The following PTPRD variants were observed in gnomAD, a reference collection of about 807,000 sequenced individuals.
PTPRD encodes receptor-type tyrosine-protein phosphatase delta.
Under a neutral mutation model 214.5 loss-of-function variants are expected in PTPRD, and 34 were observed. That is an observed-to-expected ratio of 0.16 (90% CI 0.12 to 0.21). The LOEUF is 0.21. PTPRD is among the 10% of genes least tolerant of loss of function. PTPRD has a pLI of 1.00. For missense variants in PTPRD, 2,545 were observed against 2,398.7 expected, an observed-to-expected ratio of 1.06 and a Z score of -1.27; for synonymous variants, 1,128 against 845.7, an observed-to-expected ratio of 1.33 and a Z score of -5.79.
At chr9:9,366,876 T>C (rs1339674391) in intron 9 of PTPRD, among the ~76,000 whole-genome samples, 1 of 151,400 alleles carries the variant, frequency 6.6e-6, no homozygotes, top group Non-Finnish European at 1.5e-5. Context: ...GGTAAAGAGA[T>C]ACTGACTTTT....
At chr9:10,278,748 T>C (rs924499007) in intron 3 of PTPRD, among the ~76,000 whole-genome samples, 1 of 151,680 alleles carries the variant, frequency 6.6e-6, no homozygotes, top group Admixed American at 6.6e-5. Context: ...CTTATCTTCA[T>C]GTGTGGTAAA....
At chr9:9,913,665 TA>T in intron 5 of PTPRD, among the ~76,000 whole-genome samples, 1 of 152,176 alleles carries the variant, frequency 6.6e-6, no homozygotes, top group Non-Finnish European at 1.5e-5. Flanking sequence ...CAGGAAAAGG[TA>T]AGCAGAAGAA....
intron 2 of PTPRD, among the ~76,000 whole-genome samples, chr9:10,409,622 T>C (rs550890966): frequency 5.3e-5 from 8 of 151,832 alleles, no homozygotes; most frequent in Non-Finnish European, 1.0e-4. Flanking sequence ...TGCATATACA[T>C]TGTGGTTTTA....
At chr9:8,743,768 T>C (rs192103337) in intron 11 of PTPRD, among the ~76,000 whole-genome samples, 1 of 148,880 alleles carries the variant, frequency 6.7e-6, no homozygotes, top group East Asian at 2.0e-4. Flanking sequence ...TTAATTCAAC[T>C]AAAAAAGCTT....
chr9:9,400,192 T>C (rs1337397300), intron 8 of PTPRD, among the ~76,000 whole-genome samples: 1 of 151,564 alleles, frequency 6.6e-6, no homozygotes, highest in African/African-American at 2.4e-5. Context: ...CACAATATGT[T>C]ACCTTCCGTG....
At chr9:8,467,303 C>A (rs2096563615) in intron 31 of PTPRD, among the ~76,000 whole-genome samples, 1 of 151,824 alleles carries the variant, frequency 6.6e-6, no homozygotes, top group Non-Finnish European at 1.5e-5. Context: ...AGTAAAAACA[C>A]AAGGCCAGAA....
chr9:9,763,090 T>G (rs1209598839), intron 6 of PTPRD, among the ~76,000 whole-genome samples: 1 of 152,190 alleles, frequency 6.6e-6, no homozygotes, highest in Non-Finnish European at 1.5e-5. Context: ...TCTATCAAAT[T>G]AGGATCCCAC....
intron 5 of PTPRD, among the ~76,000 whole-genome samples, chr9:9,768,902 G>A: frequency 6.6e-6 from 1 of 152,134 alleles, no homozygotes; most frequent in African/African-American, 2.4e-5. Context: ...TTTGTAACAT[G>A]CACATCTCTC....
chr9:8,938,027 C>T (rs535906856), intron 11 of PTPRD, among the ~76,000 whole-genome samples: 6 of 152,168 alleles, frequency 3.9e-5, no homozygotes, highest in Admixed American at 3.3e-4. Flanking sequence ...ATATGGTTCT[C>T]AACAAGTTTA....
intron 7 of PTPRD, among the ~76,000 whole-genome samples, chr9:9,699,199 A>G (rs73390973): frequency 6.6e-6 from 1 of 151,936 alleles, no homozygotes. Flanking sequence ...ATTTCAGTCA[A>G]GCTGTTTCTC....
chr9:8,624,983 C>G (rs909487851), intron 14 of PTPRD, among the ~76,000 whole-genome samples: 2 of 151,802 alleles, frequency 1.3e-5, no homozygotes, highest in African/African-American at 4.8e-5. Context: ...ATAACCATAT[C>G]TATAGATCCC....
intron 5 of PTPRD, among the ~76,000 whole-genome samples, chr9:9,907,314 G>T (rs186592445): frequency 0.016 from 2,440 of 151,908 alleles, 35 homozygotes; most frequent in South Asian, 0.038. Context: ...TATTATATTA[G>T]TCTGCTAGGG....
intron 32 of PTPRD, 88 bp from the exon 33 acceptor site, chr9:8,460,659 A>C (rs2096371839): frequency 3.0e-6 from 4 of 1,321,644 alleles, no homozygotes; most frequent in Non-Finnish European, 4.2e-6. Flanking sequence ...AAAATCCAGG[A>C]AATAGTGGAT....
chr9:10,352,280 A>T (rs1244399608), intron 2 of PTPRD, among the ~76,000 whole-genome samples: 1 of 151,736 alleles, frequency 6.6e-6, no homozygotes, highest in Non-Finnish European at 1.5e-5. Context: ...TTATACAAAC[A>T]CTCCTGCTGA....
chr9:9,279,251 T>A (rs2133432836), intron 9 of PTPRD, among the ~76,000 whole-genome samples: 1 of 149,758 alleles, frequency 6.7e-6, no homozygotes, highest in Non-Finnish European at 1.5e-5. Flanking sequence ...TATAAGAATA[T>A]GTGAATGAAG....
intron 9 of PTPRD, among the ~76,000 whole-genome samples, chr9:9,257,543 G>A (rs1223887286): frequency 6.6e-6 from 1 of 151,956 alleles, no homozygotes; most frequent in Admixed American, 6.6e-5. Flanking sequence ...TATGATTCCA[G>A]CACTTTGGAA....
At chr9:9,236,833 G>A (rs1289770820) in intron 9 of PTPRD, among the ~76,000 whole-genome samples, 2 of 152,014 alleles carry the variant, frequency 1.3e-5, no homozygotes, top group Non-Finnish European at 2.9e-5. Context: ...AAGCCCCACT[G>A]TGGCTAAGCA....
intron 7 of PTPRD, among the ~76,000 whole-genome samples, chr9:9,694,119 T>C (rs1021034936): frequency 6.6e-6 from 1 of 152,218 alleles, no homozygotes; most frequent in African/African-American, 2.4e-5. Flanking sequence ...TCAGTTCATC[T>C]GGTGAGGTCA....
At chr9:8,627,926 A>G (rs1390567163) in intron 14 of PTPRD, among the ~76,000 whole-genome samples, 2 of 151,958 alleles carry the variant, frequency 1.3e-5, no homozygotes, top group Admixed American at 6.6e-5. Context: ...CAGCATGGAA[A>G]TGAGGTACAC....
Sources: allele counts gnomAD v4.1 joint callset (sites outside exome capture counted in the v4.1 genomes callset), GRCh38; gene constraint gnomAD v4.1.1; transcripts MANE v1.5; gene names NCBI Gene and HGNC (gene_info 2026-07-23, HGNC 2026-07-21).